The following SAMD5 variants were observed in gnomAD, a reference collection of about 807,000 sequenced individuals.
SAMD5 encodes sterile alpha motif domain containing 5, also known as sterile alpha motif domain-containing protein 5.
In SAMD5, 13 loss-of-function variants were observed where a neutral mutation model predicts 11.3. That is an observed-to-expected ratio of 1.15 (90% CI 0.75 to 1.83). The LOEUF (loss-of-function observed/expected upper bound fraction) is 1.83, where lower values mean the gene tolerates loss of function less well. SAMD5 is among the 40% of genes most tolerant of loss of function. The pLI is 0.00. For missense variants in SAMD5, 255 were observed against 239.1 expected (o/e 1.07, Z -0.44); for synonymous variants, 129 against 111.3 (o/e 1.16, Z -1.00).
the SAMD5 span, among the ~76,000 whole-genome samples, chr6:147,805,108 G>T: frequency 7.8e-3 from 1,185 of 152,290 alleles, 18 homozygotes; most frequent in Middle Eastern, 0.041. Context: ...TTCAAATGGG[G>T]TTTATTGCAA....
the SAMD5 span, among the ~76,000 whole-genome samples, chr6:147,849,517 G>A: frequency 2.6e-5 from 4 of 152,078 alleles, no homozygotes; most frequent in Non-Finnish European, 5.9e-5. Context: ...TCATATTTAA[G>A]TACTGTTAGT....
chr6:147,667,930 A>C (rs1790744817), intron 1 of SAMD5, among the ~76,000 whole-genome samples: 1 of 152,198 alleles, frequency 6.6e-6, no homozygotes, highest in Non-Finnish European at 1.5e-5. Flanking sequence ...TAAAATTAAC[A>C]TTCCAAGTTA....
At chr6:147,863,990 C>T in the SAMD5 span, among the ~76,000 whole-genome samples, 2 of 151,908 alleles carry the variant, frequency 1.3e-5, no homozygotes, top group South Asian at 2.1e-4. Flanking sequence ...ATTACAGGCA[C>T]GCACCACCAG....
the SAMD5 span, among the ~76,000 whole-genome samples, chr6:147,762,419 G>A: frequency 1.3e-5 from 2 of 151,768 alleles, no homozygotes; most frequent in Non-Finnish European, 2.9e-5. Flanking sequence ...GGCTGGTCTC[G>A]AACCCCTGAC....
the SAMD5 span, among the ~76,000 whole-genome samples, chr6:147,938,729 A>G: frequency 6.6e-6 from 1 of 152,258 alleles, no homozygotes; most frequent in Non-Finnish European, 1.5e-5. Context: ...GTGCTAGCGT[A>G]TCAGAGTAGG....
the SAMD5 span, among the ~76,000 whole-genome samples, chr6:147,941,310 T>C: frequency 1.3e-5 from 2 of 152,306 alleles, no homozygotes; most frequent in South Asian, 4.2e-4. Flanking sequence ...GATTACCTAC[T>C]CGGTATGTGC....
the SAMD5 span, among the ~76,000 whole-genome samples, chr6:147,775,739 G>A: frequency 6.6e-6 from 1 of 152,168 alleles, no homozygotes; most frequent in Admixed American, 6.5e-5. Flanking sequence ...CTTTGGGGAA[G>A]AGAGGCAGCT....
At chr6:147,561,698 CA>C (rs1340496241) in intron 1 of SAMD5, among the ~76,000 whole-genome samples, 1 of 152,098 alleles carries the variant, frequency 6.6e-6, no homozygotes, top group Non-Finnish European at 1.5e-5. Flanking sequence ...CGTATGGGGA[CA>C]GCTCTGTAAT....
chr6:147,607,322 A>G (rs1441941073), intron 1 of SAMD5, among the ~76,000 whole-genome samples: 2 of 152,210 alleles, frequency 1.3e-5, no homozygotes, highest in Non-Finnish European at 1.5e-5. Context: ...TCACAGAAAT[A>G]TTAAAAAATC....
chr6:147,740,209 T>G (rs1034796353), downstream of SAMD5, among the ~76,000 whole-genome samples: 2 of 152,186 alleles, frequency 1.3e-5, no homozygotes, highest in African/African-American at 4.8e-5. Flanking sequence ...TTTAAACTAT[T>G]CCTTTGTCAT....
chr6:147,556,994 GT>G (rs1788868427), intron 1 of SAMD5, among the ~76,000 whole-genome samples: 1 of 152,136 alleles, frequency 6.6e-6, no homozygotes, highest in Non-Finnish European at 1.5e-5. Context: ...TATGTTGACT[GT>G]TTTCTAGTTT....
downstream of SAMD5, among the ~76,000 whole-genome samples, chr6:147,571,327 C>T (rs547883894): frequency 2.0e-4 from 31 of 152,132 alleles, no homozygotes; most frequent in African/African-American, 6.0e-4. Context: ...AATCACATCA[C>T]GTAAGTCAGC....
downstream of SAMD5, among the ~76,000 whole-genome samples, chr6:147,572,920 A>C (rs1015479498): frequency 1.3e-5 from 2 of 152,178 alleles, no homozygotes; most frequent in African/African-American, 4.8e-5. Flanking sequence ...TCTTCCCCAA[A>C]GGGTACATCT....
the SAMD5 span, among the ~76,000 whole-genome samples, chr6:147,766,639 G>A: frequency 6.6e-6 from 1 of 152,090 alleles, no homozygotes; most frequent in Non-Finnish European, 1.5e-5. Flanking sequence ...AACCTCCCAC[G>A]TCTTAGAGAA....
intron 1 of SAMD5, among the ~76,000 whole-genome samples, chr6:147,576,130 A>T (rs1789213336): frequency 1.3e-5 from 2 of 149,492 alleles, no homozygotes; most frequent in African/African-American, 4.9e-5. Context: ...AATTCTGTTA[A>T]AATATTTTAA....
intron 1 of SAMD5, among the ~76,000 whole-genome samples, chr6:147,539,385 C>T (rs1788563768): frequency 6.6e-6 from 1 of 152,162 alleles, no homozygotes; most frequent in South Asian, 2.1e-4. Context: ...AGTATCCCTC[C>T]ATAACTATTA....
chr6:147,864,498 C>T, the SAMD5 span, among the ~76,000 whole-genome samples: 1 of 152,268 alleles, frequency 6.6e-6, no homozygotes, highest in East Asian at 1.9e-4. Context: ...AATGAGATGT[C>T]CTTTACAGGC....
At chr6:147,636,825 G>A (rs9485211) in intron 1 of SAMD5, among the ~76,000 whole-genome samples, 4,647 of 152,258 alleles carry the variant, frequency 0.031, 226 homozygotes, top group African/African-American at 0.11. Context: ...GACCCAGCTA[G>A]CTGTCAACTA....
intron 1 of SAMD5, among the ~76,000 whole-genome samples, chr6:147,539,458 C>G (rs1420078894): frequency 6.6e-6 from 1 of 152,026 alleles, no homozygotes; most frequent in East Asian, 1.9e-4. Flanking sequence ...TTTCATAATG[C>G]GAAGTAATTT....
Sources: gnomAD v4.1 joint callset for allele counts (sites outside exome capture counted in the v4.1 genomes callset) on GRCh38, gnomAD v4.1.1 for gene constraint, MANE v1.5 for transcripts, NCBI Gene and HGNC (gene_info 2026-07-23, HGNC 2026-07-21) for gene names.